FAHD2B: variants seen among roughly 807,000 people sequenced by gnomAD.
FAHD2B encodes the protein fumarylacetoacetate hydrolase domain containing 2B, also known as oxaloacetate tautomerase FAHD2B, mitochondrial.
A neutral mutation model predicts 33.7 loss-of-function variants in FAHD2B; 26 were observed. The ratio of observed to expected loss-of-function variants is 0.77; its 90% CI spans 0.57 to 1.07. The LOEUF (loss-of-function observed/expected upper bound fraction) is 1.07, where lower values mean the gene tolerates loss of function less well. FAHD2B is among the 50% of genes least tolerant of loss of function. FAHD2B has a pLI of 0.00. For missense variants in FAHD2B, 272 were observed against 388.1 expected, an observed-to-expected ratio of 0.70 and a Z score of 2.51; for synonymous variants, 108 against 150.9, an observed-to-expected ratio of 0.72 and a Z score of 2.08.
intron 4 of FAHD2B, among the ~76,000 whole-genome samples, chr2:97,087,568 G>A (rs113248898): frequency 6.6e-6 from 1 of 151,946 alleles, no homozygotes; most frequent in Non-Finnish European, 1.5e-5. Context: ...GTGTGGTGGT[G>A]CATCCCTGTA....
At chr2:97,086,287 T>C (rs2031986164) in intron 4 of FAHD2B, 89 bp from the exon 5 acceptor site, 1 of 1,543,622 alleles carries the variant, frequency 6.5e-7, no homozygotes, top group Non-Finnish European at 8.8e-7. Context: ...TCTCTGTCAG[T>C]ATGGCTTGGC....
In FAHD2B at chr2:97,087,140, C is replaced by T. The variant is rs538617961; in HGVS notation, c.463-942G>A. 8.5e-4 allele frequency among the ~76,000 whole-genome samples: 129 copies of T among 152,158 alleles called. 1 individual carries two copies. The highest frequency in any genetic ancestry group is 1.7e-3 in the Non-Finnish European group (116 of 68,010). On this transcript the variant is annotated intron_variant, in intron 4 of 8. Transcript: ENST00000414820. The stretch of plus-strand genomic sequence containing the variant: ...AATCTCAGCTCACTGCAAGCTCCGC[C>T]TCCTGGGTTCACACCATTCTCTCGC...
At chr2:97,080,083 C>G (rs1236635193), downstream of FAHD2B, among the ~76,000 whole-genome samples, 3 of 152,130 alleles carry the variant, frequency 2.0e-5, no homozygotes, top group East Asian at 5.8e-4. Flanking sequence ...TGTGTGGAAA[C>G]TCTTTAGTTT....
chr2:97,082,828 C>G (rs957363597), downstream of FAHD2B: 296 of 1,046,012 alleles, frequency 2.8e-4, 1 homozygote, highest in Middle Eastern at 6.3e-4. Context: ...CAGGGAAACC[C>G]AGCTATGTCC....
In FAHD2B at chr2:97,085,771, ACT is replaced by A. The variant is rs1203171386; in HGVS notation, c.611_612del (p.Gln204LeufsTer94). On this transcript the variant is annotated frameshift_variant, in exon 6 of 9. Coordinates refer to ENST00000414820, the MANE Select transcript of FAHD2B (RefSeq NM_001320848.2). LOFTEE classifies it high-confidence loss of function. The part of the protein sequence containing the change: ...RDWLTRRNGK[Q>X]WLLGKTFDTF... ...GTGTCGAAGGTTTTTCCCAGCAGCC[ACT>A]GTTTCCCATTGCGTCTTGTTAGCCA... 9.9e-6 allele frequency: 16 copies of A among 1,613,704 alleles called. No individual in the cohort carries two copies. Among genetic ancestry groups the A allele is most frequent in the South Asian group, 3.3e-5 (3 of 90,994 alleles).
At chr2:97,081,525 G>A (rs2031644251), downstream of FAHD2B, 7 of 1,558,584 alleles carry the variant, frequency 4.5e-6, no homozygotes, top group African/African-American at 1.5e-5. Flanking sequence ...GGTAGGCAGG[G>A]CAGTTGGAGA....
intron 1 of FAHD2B, among the ~76,000 whole-genome samples, chr2:97,093,724 C>A (rs1295610791): frequency 6.6e-6 from 1 of 152,084 alleles, no homozygotes; most frequent in East Asian, 1.9e-4. Context: ...CCGCCCACCT[C>A]GGCCTCCCAA....
At chr2:97,093,471 CTTTTTTT>C (rs34927915) in intron 1 of FAHD2B, among the ~76,000 whole-genome samples, 5 of 92,108 alleles carry the variant, frequency 5.4e-5, no homozygotes, top group South Asian at 3.0e-4. Flanking sequence ...TGATTTAATT[CTTTTTTT>C]TTTTTTTTTT....
At chr2:97,082,607 C>T (rs917342330), downstream of FAHD2B, 3 of 1,565,238 alleles carry the variant, frequency 1.9e-6, no homozygotes, top group Non-Finnish European at 2.6e-6. Context: ...TGAGTTCTAT[C>T]CCTCCCGGGG....
rs556996561 is a variant in FAHD2B, at chr2:97,086,126, C to T, written c.522+13G>A. 3.0e-4 allele frequency: 476 copies of T among 1,612,448 alleles called. 4 individuals are homozygous for T. The highest frequency in any genetic ancestry group is 6.2e-4 in the Admixed American group (37 of 59,724). Reference sequence around the variant, plus strand: ...CTGCACTCTGGCCTGGGAGCCCACCCTTTCCACCTCACCTTGATGTGCTTG... The same window carrying T: ...CTGCACTCTGGCCTGGGAGCCCACCTTTTCCACCTCACCTTGATGTGCTTG... On this transcript the variant is annotated intron_variant, in intron 5 of 8. Transcript: ENST00000414820.
At position 97,091,631 on chromosome 2, in the gene FAHD2B, C is replaced by T. The variant is rs141266955; in HGVS notation, c.76G>A (p.Asp26Asn). Reference sequence around the variant, plus strand: ...GCCCGGAACTGCACTAGTCTCATGTCTCTGGAGGGTTGAAAGGGCCACTTC... The same window carrying T: ...GCCCGGAACTGCACTAGTCTCATGTTTCTGGAGGGTTGAAAGGGCCACTTC... ...AQKWPFQPSR[D>N]MRLVQFRAPH... is the part of the protein sequence containing the mutation. Residue 26 changes from aspartate (D) to asparagine (N), a missense_variant, in exon 3 of 9, where the codon GAC becomes AAC. Coordinates refer to ENST00000414820, the MANE Select transcript of FAHD2B (RefSeq NM_001320848.2). 1.4e-4 allele frequency: 222 copies of T among 1,613,832 alleles called. No homozygotes were observed. The highest frequency in any genetic ancestry group is 1.8e-4 in the Non-Finnish European group (209 of 1,179,998).
intron 4 of FAHD2B, 28 bp from the exon 5 acceptor site, chr2:97,086,226 C>A: frequency 2.5e-6 from 4 of 1,608,660 alleles, no homozygotes; most frequent in Non-Finnish European, 3.4e-6. Flanking sequence ...AATAGTGAGC[C>A]GCAGTGGCTT....
chr2:97,083,230 C>T, downstream of FAHD2B: 2 of 1,609,078 alleles, frequency 1.2e-6, no homozygotes, highest in Non-Finnish European at 1.7e-6. Context: ...AAAACTAGAA[C>T]AGTTCATCCG....
downstream of FAHD2B, chr2:97,081,501 C>T: frequency 1.9e-6 from 3 of 1,578,038 alleles, no homozygotes; most frequent in Non-Finnish European, 2.6e-6. Flanking sequence ...ATGCGGGCTC[C>T]TGGTTGCTGA....
chr2:97,079,551 T>A (rs975840671), downstream of FAHD2B, among the ~76,000 whole-genome samples: 5 of 152,170 alleles, frequency 3.3e-5, no homozygotes, highest in African/African-American at 4.8e-5. Flanking sequence ...TTCATATGAT[T>A]GTTGGCTGCA....
chr2:97,091,769 T>A, intron 2 of FAHD2B, 57 bp from the exon 3 acceptor site: 1 of 1,564,296 alleles, frequency 6.4e-7, no homozygotes. Context: ...ATCATCAGCA[T>A]CCCTGATATT....
chr2:97,089,186 C>T (rs1429396139), intron 4 of FAHD2B, among the ~76,000 whole-genome samples: 4 of 151,876 alleles, frequency 2.6e-5, no homozygotes, highest in South Asian at 2.1e-4. Context: ...TGAAATACTG[C>T]CTGTAGTTTG....
downstream of FAHD2B, chr2:97,082,424 C>G (rs1473655152): frequency 6.2e-7 from 1 of 1,613,608 alleles, no homozygotes; most frequent in Non-Finnish European, 8.5e-7. Context: ...ACCAGCTGTT[C>G]CAGTTCCTGC....
chr2:97,091,507 G>A lies in FAHD2B; in HGVS notation c.200C>T (p.Thr67Met), dbSNP rs1426534573. Residue 67 changes from threonine (T) to methionine (M), a missense_variant, in exon 3 of 9, where the codon ACG (threonine) becomes ATG (methionine). Physicochemically the swap from Thr to Met is moderately conservative, Grantham distance 81 (BLOSUM62 -1). Coordinates refer to ENST00000414820, the MANE Select transcript of FAHD2B (RefSeq NM_001320848.2). Reference sequence around the variant, plus strand: ...GGCCTCTCCCTGCTCTAGGAACTGCGTCATCGTCTTTGGGAGTGTGGGGTC... The same window carrying A: ...GGCCTCTCCCTGCTCTAGGAACTGCATCATCGTCTTTGGGAGTGTGGGGTC... Reference protein sequence around the residue: ...AFDPTLPKTMTQFLEQGEATL... With the variant: ...AFDPTLPKTMMQFLEQGEATL... 23 of 1,613,114 alleles carry A rather than the reference G, an allele frequency of 1.4e-5. No homozygotes were observed. The highest frequency in any genetic ancestry group is 5.0e-5 in the Admixed American group (3 of 59,902).
Sources: allele counts gnomAD v4.1 joint callset (sites outside exome capture counted in the v4.1 genomes callset), GRCh38; gene constraint gnomAD v4.1.1; transcripts MANE v1.5; gene names NCBI Gene and HGNC (gene_info 2026-07-23, HGNC 2026-07-21).